Variants in GALNT18 observed in about 807,000 individuals in gnomAD.
GALNT18 encodes the protein GalNAc-transferase 18.
GALNT18 carries 44 observed loss-of-function variants against 69.5 expected under a neutral mutation model. That is an observed-to-expected ratio of 0.63 (90% CI 0.50 to 0.81). The LOEUF (loss-of-function observed/expected upper bound fraction) is 0.81. GALNT18 is among the 40% of genes least tolerant of loss of function. The pLI is 0.00. For synonymous variants in GALNT18, 364 were observed against 318.2 expected (o/e 1.14, Z -1.53); for missense variants, 715 against 810.0 (o/e 0.88, Z 1.42).
chr11:11,303,469 T>C (rs1451796551), intron 9 of GALNT18, among the ~76,000 whole-genome samples: 1 of 152,090 alleles, frequency 6.6e-6, no homozygotes, highest in East Asian at 1.9e-4. Flanking sequence ...AGGATCTGCT[T>C]CTAGAGAAAC....
In GALNT18 at chr11:11,605,977, G is replaced by A. The variant is rs1350385242; in HGVS notation, c.235+15382C>T. Among the ~76,000 whole-genome samples, 2 of 152,172 alleles carry A rather than the reference G, an allele frequency of 1.3e-5. No homozygotes were observed. The highest frequency in any genetic ancestry group is 2.4e-5 in the African/African-American group (1 of 41,436). Reference sequence around the variant, plus strand: ...AAATCTTGACACAGTAATGTCAGCTGTGAGGGGCTATGAGAGAGACCCCAG... The same window carrying A: ...AAATCTTGACACAGTAATGTCAGCTATGAGGGGCTATGAGAGAGACCCCAG... On this transcript the variant is annotated intron_variant, in intron 1 of 10. Coordinates refer to ENST00000227756, the MANE Select transcript of GALNT18 (RefSeq NM_198516.3). This position sits in a 1 kb window ranked among gnomAD's most constrained non-coding sequence, Gnocchi z 4.7.
chr11:11,600,157 G>A lies in GALNT18; in HGVS notation c.235+21202C>T, dbSNP rs1859598975. On this transcript the variant is annotated intron_variant, in intron 1 of 10. Transcript: ENST00000227756. The surrounding 1 kb of genome is among the most constrained non-coding windows in gnomAD (Gnocchi z 4.8). ...TGCAATTCCTTTCTAAATCAGTTAA[G>A]AGAAGAAAGGAGGAGAAATATACAA... is the stretch of plus-strand genomic sequence containing the variant. Among the ~76,000 whole-genome samples the A allele has an allele frequency of 6.6e-6, 1 of 152,020 alleles. No individual in the cohort carries two copies. Among genetic ancestry groups the A allele is most frequent in the Non-Finnish European group, 1.5e-5 (1 of 67,910 alleles).
intron 10 of GALNT18, among the ~76,000 whole-genome samples, chr11:11,287,102 G>C (rs1411519826): frequency 6.6e-6 from 1 of 152,102 alleles, no homozygotes. Context: ...TCCCCCTGCT[G>C]GTCCTCCCTC....
intron 6 of GALNT18, among the ~76,000 whole-genome samples, chr11:11,363,916 C>T (rs896648163): frequency 1.4e-4 from 21 of 150,720 alleles, no homozygotes; most frequent in African/African-American, 5.2e-4. Context: ...GACCCATGGA[C>T]AAATGTCAAC....
At position 11,387,914 on chromosome 11, in the gene GALNT18, C is replaced by T. The variant is rs1854093002; in HGVS notation, c.596-8650G>A. 6.6e-6 allele frequency among the ~76,000 whole-genome samples: 1 copy of T among 152,180 alleles called. No individual in the cohort carries two copies. Among genetic ancestry groups the T allele is most frequent in the South Asian group, 2.1e-4 (1 of 4,828 alleles). Reference sequence around the variant, plus strand: ...GATCACTCCAGACAAGCTTTCAAACCCTGGGCAGTTTACAAATGCCTTCCC... The same window carrying T: ...GATCACTCCAGACAAGCTTTCAAACTCTGGGCAGTTTACAAATGCCTTCCC... On this transcript the variant is annotated intron_variant, in intron 3 of 10. Transcript: ENST00000227756. The surrounding 1 kb of genome is among the most constrained non-coding windows in gnomAD (Gnocchi z 4.6).
chr11:11,606,042 T>C lies in GALNT18; in HGVS notation c.235+15317A>G, dbSNP rs901539863. The stretch of plus-strand genomic sequence containing the variant: ...CTGTCCCTGACCCAAAAGCATAGCA[T>C]AGAACAGCCTCTCAGAAGCCATCCC... On this transcript the variant is annotated intron_variant, in intron 1 of 10. Coordinates refer to ENST00000227756, the MANE Select transcript of GALNT18 (RefSeq NM_198516.3). This position sits in a 1 kb window ranked among gnomAD's most constrained non-coding sequence, Gnocchi z 5.4. Among the ~76,000 whole-genome samples the C allele has an allele frequency of 6.6e-6, 1 of 152,180 alleles. No individual in the cohort carries two copies. The highest frequency in any genetic ancestry group is 2.4e-5 in the African/African-American group (1 of 41,434).
chr11:11,551,805 A>C (rs1590091833), intron 1 of GALNT18, among the ~76,000 whole-genome samples: 1 of 152,156 alleles, frequency 6.6e-6, no homozygotes, highest in South Asian at 2.1e-4. Flanking sequence ...AGGGTGGTGG[A>C]TTATCATTAG....
At chr11:11,478,888 C>G (rs1256391441) in intron 1 of GALNT18, among the ~76,000 whole-genome samples, 1 of 152,096 alleles carries the variant, frequency 6.6e-6, no homozygotes, top group Non-Finnish European at 1.5e-5. Context: ...TGTTTCTGCC[C>G]CTGGCTGTCT....
At chr11:11,472,603 G>C (rs1279139587) in intron 1 of GALNT18, among the ~76,000 whole-genome samples, 3 of 149,984 alleles carry the variant, frequency 2.0e-5, no homozygotes, top group African/African-American at 7.4e-5. Context: ...AGATAGACCA[G>C]ACTCTTATAC....
intron 10 of GALNT18, among the ~76,000 whole-genome samples, chr11:11,291,636 G>A (rs906446644): frequency 2.6e-5 from 4 of 151,588 alleles, no homozygotes; most frequent in Non-Finnish European, 5.9e-5. Flanking sequence ...AGGGTGAGCT[G>A]GGACTCACAG....
At chr11:11,531,425 C>T (rs1485266733) in intron 1 of GALNT18, among the ~76,000 whole-genome samples, 3 of 152,180 alleles carry the variant, frequency 2.0e-5, no homozygotes, top group East Asian at 1.9e-4. Flanking sequence ...TCTGTGCTTG[C>T]GTGTACATAA....
intron 1 of GALNT18, among the ~76,000 whole-genome samples, chr11:11,464,866 G>A (rs193292087): frequency 5.5e-4 from 83 of 152,056 alleles, no homozygotes; most frequent in Non-Finnish European, 1.1e-3. Flanking sequence ...TTCCTTGTGG[G>A]GTTATTGTGA....
At chr11:11,276,272 G>C (rs867168942) in intron 10 of GALNT18, among the ~76,000 whole-genome samples, 1 of 152,242 alleles carries the variant, frequency 6.6e-6, no homozygotes, top group Non-Finnish European at 1.5e-5. Context: ...GGATTCCTAG[G>C]TATTTTATTC....
chr11:11,514,412 C>T (rs1365089097), intron 1 of GALNT18, among the ~76,000 whole-genome samples: 2 of 152,182 alleles, frequency 1.3e-5, no homozygotes, highest in Admixed American at 1.3e-4. Flanking sequence ...CCTGAGCACT[C>T]CCCTTGTAAT....
intron 5 of GALNT18, among the ~76,000 whole-genome samples, chr11:11,376,715 T>C (rs79082325): frequency 0.013 from 1,937 of 152,302 alleles, 50 homozygotes; most frequent in African/African-American, 0.045. Context: ...GAACTTTGCA[T>C]ATGGGTGTCC....
At chr11:11,574,034 C>T (rs1039298362) in intron 1 of GALNT18, among the ~76,000 whole-genome samples, 1 of 152,122 alleles carries the variant, frequency 6.6e-6, no homozygotes, top group Non-Finnish European at 1.5e-5. Context: ...CTGAGCTTTC[C>T]ACATGACACT....
In GALNT18 at chr11:11,271,123, G is replaced by T; in HGVS notation, c.*21C>A. 3 of 1,602,480 alleles carry T rather than the reference G, an allele frequency of 1.9e-6. No homozygotes were observed. Among genetic ancestry groups the T allele is most frequent in the Non-Finnish European group, 2.6e-6 (3 of 1,170,936 alleles). On this transcript the variant is annotated 3_prime_UTR_variant, in exon 11 of 11. Coordinates refer to ENST00000227756, the MANE Select transcript of GALNT18 (RefSeq NM_198516.3). ...GGTGCTACACAGTAGCAAAGAGGCA[G>T]CCGGAAGTGGCCCCGGTGGGTCAGG...
rs1041049824 is a variant in GALNT18 at position 11,459,547 on chromosome 11, A to T, written c.236-10611T>A. Among the ~76,000 whole-genome samples the T allele has an allele frequency of 6.6e-5, 10 of 152,152 alleles. No individual in the cohort carries two copies. The highest frequency in any genetic ancestry group is 1.3e-4 in the Admixed American group (2 of 15,268). On this transcript the variant is annotated intron_variant, in intron 1 of 10. Coordinates refer to ENST00000227756, the MANE Select transcript of GALNT18 (RefSeq NM_198516.3). The surrounding 1 kb of genome is among the most constrained non-coding windows in gnomAD (Gnocchi z 5.0). The stretch of plus-strand genomic sequence containing the variant: ...TGCAAGGCCAAGTGCAGACTCCATT[A>T]GGGGCTGAGCCCACCAGACTGAGGA...
At chr11:11,323,270 A>G (rs1849866539) in intron 9 of GALNT18, among the ~76,000 whole-genome samples, 1 of 152,248 alleles carries the variant, frequency 6.6e-6, no homozygotes, top group Non-Finnish European at 1.5e-5. Flanking sequence ...AGTACAATTC[A>G]TCCCAAGGCA....
Sources: gnomAD v4.1 joint callset for allele counts (sites outside exome capture counted in the v4.1 genomes callset) on GRCh38, gnomAD v4.1.1 for gene constraint, Gnocchi (gnomAD v3.1) non-coding constraint, MANE v1.5 for transcripts, NCBI Gene and HGNC (gene_info 2026-07-23, HGNC 2026-07-21) for gene names.